The following ASIC2 variants were observed in gnomAD, a reference collection of about 807,000 sequenced individuals.
The protein encoded by ASIC2 is acid sensing ion channel subunit 2, also known as acid-sensing ion channel 2.
ASIC2 carries 25 observed loss-of-function variants against 57.3 expected under a neutral mutation model. The ratio of observed to expected loss-of-function variants is 0.44; its 90% CI spans 0.32 to 0.61. The LOEUF is 0.61. ASIC2 is among the 20% of genes least tolerant of loss of function. The probability of loss-of-function intolerance (pLI) is 0.06; values close to 1 mark genes in which losing one functional copy is unlikely to be tolerated. For missense variants in ASIC2, 641 were observed against 738.1 expected, an observed-to-expected ratio of 0.87 and a Z score of 1.52; for synonymous variants, 319 against 307.5, an observed-to-expected ratio of 1.04 and a Z score of -0.39.
chr17:33,497,232 T>C (rs1456808028), intron 1 of ASIC2, among the ~76,000 whole-genome samples: 1 of 152,242 alleles, frequency 6.6e-6, no homozygotes, highest in Non-Finnish European at 1.5e-5. Flanking sequence ...TAAAATGCTG[T>C]CTTGCTCTGG....
intron 1 of ASIC2, among the ~76,000 whole-genome samples, chr17:33,243,693 A>G (rs1192242141): frequency 6.6e-6 from 1 of 152,190 alleles, no homozygotes; most frequent in African/African-American, 2.4e-5. Context: ...GAATATAAAA[A>G]CAGGACCCAT....
intron 9 of ASIC2, 105 bp from the exon 10 acceptor site, chr17:33,014,171 TG>T: frequency 1.2e-6 from 1 of 861,230 alleles, no homozygotes; most frequent in Non-Finnish European, 1.9e-6. Context: ...TCCCCACTTG[TG>T]GGCTGCTTCT....
chr17:33,282,528 G>T (rs886116661), intron 1 of ASIC2, among the ~76,000 whole-genome samples: 1 of 151,902 alleles, frequency 6.6e-6, no homozygotes, highest in Non-Finnish European at 1.5e-5. Flanking sequence ...AGGCTGGAGT[G>T]TAGTGGTACA....
chr17:33,890,268 G>T (rs536459868), intron 1 of ASIC2, among the ~76,000 whole-genome samples: 2 of 152,236 alleles, frequency 1.3e-5, no homozygotes, highest in South Asian at 4.1e-4. Flanking sequence ...CCAGAATTTG[G>T]TCTGTCATGC....
intron 9 of ASIC2, among the ~76,000 whole-genome samples, chr17:33,015,498 C>T (rs1454508879): frequency 6.6e-6 from 1 of 152,210 alleles, no homozygotes; most frequent in Non-Finnish European, 1.5e-5. Context: ...TGACACGTAC[C>T]AGGCATACAA....
intron 1 of ASIC2, among the ~76,000 whole-genome samples, chr17:33,819,213 A>G (rs1448479659): frequency 6.6e-6 from 1 of 152,242 alleles, no homozygotes; most frequent in Non-Finnish European, 1.5e-5. Context: ...TCACATCTGC[A>G]CTGATGTCCG....
chr17:33,158,997 C>CA (rs1567767401), intron 1 of ASIC2, among the ~76,000 whole-genome samples: 1 of 152,216 alleles, frequency 6.6e-6, no homozygotes, highest in African/African-American at 2.4e-5. Context: ...GCCACACCCC[C>CA]ACCACACCTG....
intron 1 of ASIC2, among the ~76,000 whole-genome samples, chr17:33,804,284 G>A (rs1912211549): frequency 6.6e-6 from 1 of 152,142 alleles, no homozygotes; most frequent in Non-Finnish European, 1.5e-5. Flanking sequence ...GGAAACCTTT[G>A]GGGGAAGGAA....
chr17:34,148,910 T>C lies in ASIC2; in HGVS notation c.555+7068A>G, dbSNP rs945076138. Among the ~76,000 whole-genome samples, 15 of 152,096 alleles carry C rather than the reference T, an allele frequency of 9.9e-5. No individual in the cohort carries two copies. In the East Asian group the frequency reaches 1.2e-3, roughly 12 times the overall value. ...CAAGAAGAGAGCAAGCTAACATTGA[T>C]TGGATGTGTACTGTGGAGCAGACAT... On this transcript the variant is annotated intron_variant, in intron 1 of 9. Coordinates refer to the ASIC2 transcript ENST00000359872.
chr17:33,438,661 A>G (rs1354058009), intron 1 of ASIC2, among the ~76,000 whole-genome samples: 5 of 151,946 alleles, frequency 3.3e-5, no homozygotes, highest in Non-Finnish European at 1.5e-5. Flanking sequence ...TTCCTCTGTG[A>G]TATGAATTTT....
intron 1 of ASIC2, among the ~76,000 whole-genome samples, chr17:33,304,522 C>T (rs2142197648): frequency 6.6e-6 from 1 of 152,332 alleles, no homozygotes. Context: ...CCCAGCCTGG[C>T]ACTGCCCACC....
chr17:33,241,089 A>G lies in ASIC2; in HGVS notation c.708+50319T>C, dbSNP rs140843360. Among the ~76,000 whole-genome samples the G allele has an allele frequency of 4.6e-5, 7 of 152,360 alleles. No individual in the cohort carries two copies. The East Asian group carries it at 1.3e-3, about 29-fold the overall frequency. ...ACTGAAGCCCAGGCAGCATGAAAGC[A>G]GCGTTCATGGTCACACAGCTAGTCA... On this transcript the variant is annotated intron_variant, in intron 1 of 9. Coordinates refer to ENST00000225823, the MANE Select transcript of ASIC2 (RefSeq NM_183377.2).
intron 1 of ASIC2, among the ~76,000 whole-genome samples, chr17:33,616,587 C>T (rs956345931): frequency 3.3e-5 from 5 of 152,236 alleles, no homozygotes; most frequent in African/African-American, 1.2e-4. Context: ...TCATTCTCTT[C>T]ATCTCACTGT....
chr17:33,086,057 T>C (rs1256612937), intron 3 of ASIC2, among the ~76,000 whole-genome samples: 2 of 152,204 alleles, frequency 1.3e-5, no homozygotes, highest in East Asian at 1.9e-4. Flanking sequence ...CTACTCACCA[T>C]AGGGAGTCCT....
chr17:33,218,309 G>A (rs447197), intron 1 of ASIC2, among the ~76,000 whole-genome samples: 108,011 of 151,890 alleles, frequency 0.71, 38,663 homozygotes, highest in Middle Eastern at 0.8. Context: ...CTGAGGTGCA[G>A]AGAATTGGGC....
At position 33,125,121 on chromosome 17, in the gene ASIC2, G is replaced by A. The variant is rs142497897; in HGVS notation, c.709-13054C>T. ...TCTGTGGCCCAGTTCCCAACAAGCTGGGTTGGTAACAGTCTGTGGCCTGGG... is the reference window on the plus strand; with the variant it reads ...TCTGTGGCCCAGTTCCCAACAAGCTAGGTTGGTAACAGTCTGTGGCCTGGG... On this transcript the variant is annotated intron_variant, in intron 1 of 9. Transcript: ENST00000225823. Among the ~76,000 whole-genome samples, 1,175 of 152,336 alleles carry A rather than the reference G, an allele frequency of 7.7e-3. 8 individuals carry two copies. The highest frequency in any genetic ancestry group is 0.029 in the South Asian group (140 of 4,826).
intron 1 of ASIC2, among the ~76,000 whole-genome samples, chr17:33,322,789 C>A (rs1906921106): frequency 6.6e-6 from 1 of 151,514 alleles, no homozygotes; most frequent in Non-Finnish European, 1.5e-5. Flanking sequence ...CCAGGCTGGG[C>A]ACGAGTTGGA....
At chr17:33,242,680 A>G (rs1908550535) in intron 1 of ASIC2, among the ~76,000 whole-genome samples, 1 of 152,140 alleles carries the variant, frequency 6.6e-6, no homozygotes. Context: ...GGAGTTTTCA[A>G]TTTACAAATT....
At chr17:33,416,570 G>A (rs1159271776) in intron 1 of ASIC2, among the ~76,000 whole-genome samples, 3 of 152,220 alleles carry the variant, frequency 2.0e-5, no homozygotes, top group African/African-American at 4.8e-5. Flanking sequence ...CAGGGCAGGT[G>A]CTTGTCTGTG....
Sources: gnomAD v4.1 joint callset for allele counts (sites outside exome capture counted in the v4.1 genomes callset) on GRCh38, gnomAD v4.1.1 for gene constraint, MANE v1.5 for transcripts, NCBI Gene and HGNC (gene_info 2026-07-23, HGNC 2026-07-21) for gene names.